JPH2: variants seen among roughly 807,000 people sequenced by gnomAD.
JPH2 encodes junctophilin 2, also known as junctophilin-2.
JPH2 carries 38 observed loss-of-function variants against 55.9 expected under a neutral mutation model. The ratio of observed to expected loss-of-function variants is 0.68; its 90% CI spans 0.52 to 0.89. The LOEUF (loss-of-function observed/expected upper bound fraction) is 0.89, where lower values mean the gene tolerates loss of function less well. JPH2 is among the 40% of genes least tolerant of loss of function. The pLI is 0.00. For synonymous variants in JPH2, 480 were observed against 472.4 expected (o/e 1.02, Z -0.21); for missense variants, 964 against 1,037.6 (o/e 0.93, Z 0.97).
rs749992945 is a variant in JPH2, at chr20:44,115,993, G to A, written c.1682C>T (p.Ala561Val). The A allele has an allele frequency of 8.9e-6, 14 of 1,578,384 alleles. No individual in the cohort carries two copies. In the African/African-American group the frequency reaches 9.4e-5, roughly 11 times the overall value. Residue 561 changes from alanine to valine, a missense_variant, in exon 4 of 6, where the codon GCG (alanine) becomes GTG (valine). Ala to Val is a moderately conservative substitution (Grantham distance 64, BLOSUM62 0). Coordinates refer to ENST00000372980, the MANE Select transcript of JPH2 (RefSeq NM_020433.5). The stretch of plus-strand genomic sequence containing the variant: ...ATAGCTGTGGTAGCCCTGGTAAAGC[G>A]CCACCTCCGGCTCCCGCGACGGCGC... The part of the protein sequence containing the change: ...PPAPSREPEV[A>V]LYQGYHSYAV...
At chr20:44,177,637 G>T (rs1489992244) in intron 1 of JPH2, 7 of 1,193,514 alleles carry the variant, frequency 5.9e-6, no homozygotes, top group Non-Finnish European at 7.4e-6. Flanking sequence ...AGATTTCCAA[G>T]ATGAGGTTAA....
chr20:44,180,238 A>C (rs1309901963), intron 1 of JPH2, among the ~76,000 whole-genome samples: 1 of 152,204 alleles, frequency 6.6e-6, no homozygotes, highest in Non-Finnish European at 1.5e-5. Context: ...ATAAATAAGT[A>C]ACATAACATA....
At position 44,165,584 on chromosome 20, in the gene JPH2, C is replaced by G. The variant is rs144356729; in HGVS notation, c.380-5177G>C. Among the ~76,000 whole-genome samples the G allele has an allele frequency of 4.2e-3, 633 of 152,296 alleles. 12 individuals carry two copies. The highest frequency in any genetic ancestry group is 0.027 in the East Asian group (141 of 5,188). On this transcript the variant is annotated intron_variant, in intron 1 of 5. Coordinates refer to ENST00000372980, the MANE Select transcript of JPH2 (RefSeq NM_020433.5). The stretch of plus-strand genomic sequence containing the variant: ...CGACACTGCACTGACCCTTCTCACT[C>G]AGAAGAAAAGCTGAAGTCCTTAGTG...
At chr20:44,157,718 T>G (rs1484881831) in intron 2 of JPH2, among the ~76,000 whole-genome samples, 1 of 152,072 alleles carries the variant, frequency 6.6e-6, no homozygotes, top group Non-Finnish European at 1.5e-5. Flanking sequence ...AAACTGACAC[T>G]CAGACAGGCC....
Position 44,118,498 on chromosome 20 carries a change from G to T in JPH2, c.1288+7C>A, listed in dbSNP as rs2145840500. The T allele has an allele frequency of 1.2e-6, 2 of 1,606,020 alleles. No individual in the cohort carries two copies. Among genetic ancestry groups the T allele is most frequent in the Non-Finnish European group, 1.7e-6 (2 of 1,174,514 alleles). ...TACCCTGCCCATCCTTCCCTGGCTG[G>T]CCCTACCTGGCTGGTAGAAGTCCGG... is the stretch of plus-strand genomic sequence containing the variant. On this transcript the variant is annotated splice_region_variant and intron_variant, in intron 3 of 5. Coordinates refer to ENST00000372980, the MANE Select transcript of JPH2 (RefSeq NM_020433.5).
chr20:44,115,651 C>G lies in JPH2; in HGVS notation c.2010+14G>C, dbSNP rs934949633. ...GGAACCCGACCTTAGGCACACCTTGCCCGACAGCCTCACCTCTTCCACCTC... is the reference window on the plus strand; with the variant it reads ...GGAACCCGACCTTAGGCACACCTTGGCCGACAGCCTCACCTCTTCCACCTC... On this transcript the variant is annotated intron_variant, in intron 4 of 5. Transcript: ENST00000372980. 1.2e-6 allele frequency: 2 copies of G among 1,612,048 alleles called. No homozygotes were observed. Among genetic ancestry groups the G allele is most frequent in the Non-Finnish European group, 1.7e-6 (2 of 1,179,892 alleles).
chr20:44,151,531 A>G (rs543097711), intron 2 of JPH2, among the ~76,000 whole-genome samples: 1 of 152,078 alleles, frequency 6.6e-6, no homozygotes, highest in Non-Finnish European at 1.5e-5. Context: ...AAAAAACAGA[A>G]AGAAAAATCA....
chr20:44,125,823 G>A (rs1361099015), intron 2 of JPH2, among the ~76,000 whole-genome samples: 1 of 152,088 alleles, frequency 6.6e-6, no homozygotes, highest in Non-Finnish European at 1.5e-5. Flanking sequence ...ATAAGGGCAC[G>A]CGTCTCCAAG....
intron 2 of JPH2, among the ~76,000 whole-genome samples, chr20:44,153,502 T>A (rs2145873960): frequency 6.6e-6 from 1 of 152,256 alleles, no homozygotes; most frequent in South Asian, 2.1e-4. Context: ...TAAGCTATGA[T>A]CAGCTTCGGA....
intron 2 of JPH2, among the ~76,000 whole-genome samples, chr20:44,127,415 T>C (rs1260044297): frequency 6.6e-6 from 1 of 152,158 alleles, no homozygotes; most frequent in Non-Finnish European, 1.5e-5. Context: ...CATATTATCA[T>C]ATTATGTTCC....
chr20:44,145,877 G>C (rs1371348590), intron 2 of JPH2, among the ~76,000 whole-genome samples: 2 of 152,010 alleles, frequency 1.3e-5, no homozygotes, highest in South Asian at 2.1e-4. Flanking sequence ...TTTTTCATCT[G>C]TAAAATGAGC....
intron 2 of JPH2, among the ~76,000 whole-genome samples, chr20:44,125,564 G>A (rs2072269683): frequency 6.6e-6 from 1 of 152,188 alleles, no homozygotes; most frequent in Admixed American, 6.5e-5. Context: ...GTCATGTGCT[G>A]GGGCCAAGGA....
At chr20:44,122,167 G>A (rs1472849154) in intron 2 of JPH2, among the ~76,000 whole-genome samples, 3 of 152,170 alleles carry the variant, frequency 2.0e-5, no homozygotes, top group African/African-American at 7.2e-5. Context: ...TGATGTCCAA[G>A]CCCCTGCCTC....
At chr20:44,178,708 G>A (rs1168822081) in intron 1 of JPH2, among the ~76,000 whole-genome samples, 1 of 152,214 alleles carries the variant, frequency 6.6e-6, no homozygotes, top group Non-Finnish European at 1.5e-5. Context: ...ATTTTGAACA[G>A]GAAGAGCAAA....
At chr20:44,172,388 G>A (rs1027317184) in intron 1 of JPH2, among the ~76,000 whole-genome samples, 1 of 152,188 alleles carries the variant, frequency 6.6e-6, no homozygotes, top group African/African-American at 2.4e-5. Context: ...TTTCCACTGT[G>A]TAAATACCCC....
Position 44,155,968 on chromosome 20 carries a change from G to A in JPH2, c.1169+3650C>T, listed in dbSNP as rs143246386. ...CAAGAATCACTTGAATCCAGGAGATGGAGGTTGCAGTGAGCCAAGATGGCA... is the reference window on the plus strand; with the variant it reads ...CAAGAATCACTTGAATCCAGGAGATAGAGGTTGCAGTGAGCCAAGATGGCA... On this transcript the variant is annotated intron_variant, in intron 2 of 5. Coordinates refer to ENST00000372980, the MANE Select transcript of JPH2 (RefSeq NM_020433.5). Among the ~76,000 whole-genome samples the A allele has an allele frequency of 6.6e-5, 10 of 151,934 alleles. No homozygotes were observed. In the East Asian group the frequency reaches 1.9e-3, roughly 30 times the overall value.
chr20:44,176,223 C>T (rs1388196875), intron 1 of JPH2, among the ~76,000 whole-genome samples: 2 of 152,148 alleles, frequency 1.3e-5, no homozygotes, highest in Non-Finnish European at 2.9e-5. Flanking sequence ...GGTCTCCATG[C>T]CACCTCCCCT....
chr20:44,162,780 A>ATATATATATT, intron 1 of JPH2, among the ~76,000 whole-genome samples: 1 of 81,602 alleles, frequency 1.2e-5, no homozygotes, highest in South Asian at 4.5e-4. Flanking sequence ...ATATATATAT[A>ATATATATATT]TATATATACA....
intron 1 of JPH2, among the ~76,000 whole-genome samples, chr20:44,176,536 T>C (rs2072734773): frequency 6.6e-6 from 1 of 152,060 alleles, no homozygotes. Flanking sequence ...GCACAGTGAC[T>C]CATGCCTATA....
Sources: allele counts gnomAD v4.1 joint callset (sites outside exome capture counted in the v4.1 genomes callset), GRCh38; gene constraint gnomAD v4.1.1; transcripts MANE v1.5; gene names NCBI Gene and HGNC (gene_info 2026-07-23, HGNC 2026-07-21).